TXNDC11: variants seen among roughly 807,000 people sequenced by gnomAD.
TXNDC11 encodes the protein thioredoxin domain containing 11.
A neutral mutation model predicts 78.0 loss-of-function variants in TXNDC11; 68 were observed. That is an observed-to-expected ratio of 0.87 (90% CI 0.72 to 1.07). The LOEUF (loss-of-function observed/expected upper bound fraction) is 1.07, where lower values mean the gene tolerates loss of function less well. TXNDC11 is among the 50% of genes least tolerant of loss of function. The probability of loss-of-function intolerance (pLI) is 0.00; values close to 1 mark genes in which losing one functional copy is unlikely to be tolerated. For synonymous variants in TXNDC11, 571 were observed against 495.2 expected (o/e 1.15, Z -2.03); for missense variants, 1,389 against 1,221.8 (o/e 1.14, Z -2.04).
chr16:11,711,981 C>T (rs1402328938), intron 5 of TXNDC11, among the ~76,000 whole-genome samples: 2 of 152,068 alleles, frequency 1.3e-5, no homozygotes, highest in African/African-American at 4.8e-5. Context: ...CTTGTCTGCA[C>T]GGAGCTGTTT....
At chr16:11,733,314 T>G (rs1026454567) in intron 3 of TXNDC11, among the ~76,000 whole-genome samples, 1 of 152,014 alleles carries the variant, frequency 6.6e-6, no homozygotes, top group African/African-American at 2.4e-5. Context: ...TCAGCCCTCT[T>G]TGTGACTTTA....
intron 11 of TXNDC11, among the ~76,000 whole-genome samples, chr16:11,681,586 G>A (rs142482856): frequency 6.6e-6 from 1 of 152,168 alleles, no homozygotes; most frequent in South Asian, 2.1e-4. Context: ...TAACCCTGAG[G>A]GAGTGGCAGG....
chr16:11,691,069 A>G, intron 8 of TXNDC11: 2 of 559,932 alleles, frequency 3.6e-6, no homozygotes, highest in Non-Finnish European at 6.3e-6. Flanking sequence ...GGGCTAAATG[A>G]CAAACTTATC....
At chr16:11,694,930 C>T (rs954633964) in intron 7 of TXNDC11, among the ~76,000 whole-genome samples, 9 of 152,208 alleles carry the variant, frequency 5.9e-5, no homozygotes, top group South Asian at 2.1e-4. Context: ...AATAACTGTT[C>T]GCACAGTAGA....
chr16:11,721,852 A>C (rs1292572370), intron 4 of TXNDC11, among the ~76,000 whole-genome samples, 182 bp from the exon 5 acceptor site: 1 of 152,206 alleles, frequency 6.6e-6, no homozygotes, highest in Non-Finnish European at 1.5e-5. Flanking sequence ...CCCTCCATTT[A>C]AACAACAAAC....
intron 6 of TXNDC11, 89 bp from the exon 7 acceptor site, chr16:11,698,414 T>C: frequency 8.4e-7 from 1 of 1,194,594 alleles, no homozygotes; most frequent in Non-Finnish European, 1.2e-6. Context: ...ACCCCACCAC[T>C]AAGGGTGAGA....
At chr16:11,703,271 G>C (rs573918034) in intron 5 of TXNDC11, among the ~76,000 whole-genome samples, 1 of 152,238 alleles carries the variant, frequency 6.6e-6, no homozygotes, top group East Asian at 1.9e-4. Context: ...AAGGCAAAAA[G>C]AACTGTACAT....
intron 8 of TXNDC11, 137 bp downstream of exon 8, chr16:11,691,153 G>T: frequency 1.5e-6 from 1 of 674,958 alleles, no homozygotes; most frequent in Non-Finnish European, 2.5e-6. Flanking sequence ...ATGACTGATG[G>T]TGGTCTAAAG....
chr16:11,699,969 C>T lies in TXNDC11; in HGVS notation c.906+483G>A, dbSNP rs575188458. ...AACAAAGGCGACAATGGAAAACTGACGCTCTCTGGGATGAGAAGCCATCAA... is the reference window on the plus strand; with the variant it reads ...AACAAAGGCGACAATGGAAAACTGATGCTCTCTGGGATGAGAAGCCATCAA... On this transcript the variant is annotated intron_variant, in intron 6 of 11. Transcript: ENST00000283033. Among the ~76,000 whole-genome samples the T allele has an allele frequency of 1.3e-4, 20 of 152,298 alleles. No individual in the cohort carries two copies. In the East Asian group the frequency reaches 1.5e-3, roughly 12 times the overall value.
intron 5 of TXNDC11, among the ~76,000 whole-genome samples, chr16:11,718,087 C>G (rs1227074259): frequency 6.6e-6 from 1 of 152,122 alleles, no homozygotes; most frequent in East Asian, 1.9e-4. Flanking sequence ...GACCACAGAA[C>G]CCGATCTTAT....
chr16:11,698,364 G>T (rs201068794), intron 6 of TXNDC11, 39 bp from the exon 7 acceptor site: 9 of 1,582,858 alleles, frequency 5.7e-6, no homozygotes, highest in African/African-American at 1.3e-5. Flanking sequence ...AGGAGAGCTC[G>T]TGAGGTGGGG....
At chr16:11,728,722 G>A (rs1011011239) in intron 4 of TXNDC11, among the ~76,000 whole-genome samples, 4 of 152,106 alleles carry the variant, frequency 2.6e-5, no homozygotes, top group African/African-American at 9.7e-5. Context: ...GAGGCAGAAC[G>A]ATCGCTTGAG....
intron 8 of TXNDC11, 65 bp downstream of exon 8, chr16:11,691,224 TA>T: frequency 7.3e-7 from 1 of 1,366,592 alleles, no homozygotes. Flanking sequence ...GAGCCATCAA[TA>T]AAATTTACCC....
intron 5 of TXNDC11, among the ~76,000 whole-genome samples, chr16:11,702,056 A>G (rs1031142708): frequency 6.8e-6 from 1 of 146,614 alleles, no homozygotes; most frequent in Non-Finnish European, 1.5e-5. Flanking sequence ...TATAAAAGTT[A>G]TGTGTGTGTA....
Position 11,736,030 on chromosome 16 carries a change from C to T in TXNDC11, c.458G>A (p.Arg153Gln), listed in dbSNP as rs140374310. The T allele has an allele frequency of 7.9e-4, 1,275 of 1,613,900 alleles. 1 individual carries two copies. Among genetic ancestry groups the T allele is most frequent in the Non-Finnish European group, 1.0e-3 (1,205 of 1,180,022 alleles). ...ARAEIEQAAS[R>Q]LSDQVLFVAI... ...TGTGAGCATTACCTGATCTGAAAGC[C>T]GACTTGCTGCTTGCTCAATTTCTGC... Residue 153 changes from arginine to glutamine, a missense_variant, in exon 2 of 12, where the codon CGG becomes CAG. Transcript: ENST00000283033.
intron 5 of TXNDC11, among the ~76,000 whole-genome samples, chr16:11,713,428 T>G (rs1481912482): frequency 6.6e-6 from 1 of 152,182 alleles, no homozygotes. Context: ...TTTTTTCCTT[T>G]TTTTTGAGAC....
At chr16:11,712,781 C>T (rs531686139) in intron 5 of TXNDC11, among the ~76,000 whole-genome samples, 3 of 151,972 alleles carry the variant, frequency 2.0e-5, no homozygotes, top group African/African-American at 4.8e-5. Flanking sequence ...GGTGAAACTA[C>T]ATCTCTACAA....
At chr16:11,718,583 A>G (rs1051898202) in intron 5 of TXNDC11, among the ~76,000 whole-genome samples, 3 of 152,220 alleles carry the variant, frequency 2.0e-5, no homozygotes, top group East Asian at 1.9e-4. Flanking sequence ...AGGGTAGAAG[A>G]AAGGGAGAAA....
Position 11,679,302 on chromosome 16 carries a change from G to A in TXNDC11, c.2770C>T (p.Gln924Ter). The stretch of plus-strand genomic sequence containing the variant: ...TGGGGGGTGGCTGAGGGCTCAGGCT[G>A]CTTGGGGTGGACCTCTCTCTGGGCC... Reference protein sequence around the residue: ...LAAQREVHPKQPEPSATPQLP... With the variant: ...LAAQREVHPK The change falls in exon 12 of 12, where the codon CAG (glutamine) becomes TAG (stop). Residue 924 changes from glutamine to a stop codon, truncating the protein, a stop_gained. Transcript: ENST00000283033. LOFTEE classifies it low-confidence loss of function (END_TRUNC). The surrounding 1 kb of genome is among the most constrained non-coding windows in gnomAD (Gnocchi z 4.6). The A allele has an allele frequency of 6.2e-7, 1 of 1,612,736 alleles. No homozygotes were observed. Among genetic ancestry groups the A allele is most frequent in the Non-Finnish European group, 8.5e-7 (1 of 1,179,884 alleles).
Sources: allele counts gnomAD v4.1 joint callset (sites outside exome capture counted in the v4.1 genomes callset), GRCh38; gene constraint gnomAD v4.1.1; non-coding constraint Gnocchi (gnomAD v3.1); transcripts MANE v1.5; gene names NCBI Gene and HGNC (gene_info 2026-07-23, HGNC 2026-07-21).